The following ERICH2 variants were observed in gnomAD, a reference collection of about 807,000 sequenced individuals.
ERICH2 encodes the protein glutamate-rich protein 2.
In ERICH2, 17 loss-of-function variants were observed where a neutral mutation model predicts 17.4. That is an observed-to-expected ratio of 0.98 (90% CI 0.67 to 1.47). ERICH2 has a LOEUF of 1.47. Among genes scored for constraint, ERICH2 ranks in the 40% most tolerant of loss-of-function variants. The pLI, the probability that ERICH2 is intolerant of heterozygous loss-of-function variation, is 0.00. For synonymous variants in ERICH2, 51 were observed against 61.1 expected, an observed-to-expected ratio of 0.83 and a Z score of 0.77; for missense variants, 186 against 183.2, an observed-to-expected ratio of 1.01 and a Z score of -0.09.
chr2:170,778,800 A>G (rs1700965594), upstream of ERICH2, among the ~76,000 whole-genome samples: 1 of 152,176 alleles, frequency 6.6e-6, no homozygotes, highest in African/African-American at 2.4e-5. Flanking sequence ...ATCATAGATG[A>G]AAAGAAATTA....
At chr2:170,784,938 A>T (rs1575407125) in intron 2 of ERICH2, 105 bp downstream of exon 7, 1 of 949,874 alleles carries the variant, frequency 1.1e-6, no homozygotes, top group Non-Finnish European at 1.4e-6. Flanking sequence ...AGTAGATCTC[A>T]TGGAGGCAGA....
At chr2:170,777,193 T>G in the ERICH2 span, 1 of 163,014 alleles carries the variant, frequency 6.1e-6, no homozygotes, top group African/African-American at 2.4e-5. Context: ...AGTATATAAT[T>G]TTTTTAGGAT....
the ERICH2 span, among the ~76,000 whole-genome samples, chr2:170,775,035 G>T: frequency 6.6e-6 from 1 of 152,158 alleles, no homozygotes; most frequent in Non-Finnish European, 1.5e-5. Context: ...TTTTCACCAG[G>T]TGAAAATGGG....
intron 3 of ERICH2, among the ~76,000 whole-genome samples, chr2:170,793,386 T>C (rs62168446): frequency 0.22 from 34,079 of 151,986 alleles, 4,708 homozygotes; most frequent in South Asian, 0.35. Flanking sequence ...AATAAACAGA[T>C]AGTGTGTCAT....
At position 170,798,737 on chromosome 2, in the gene ERICH2, C is replaced by T. The variant is rs200572014; in HGVS notation, c.347-33C>T. 1,723 of 1,546,998 alleles carry T rather than the reference C, an allele frequency of 1.1e-3. 4 individuals are homozygous for T. Among genetic ancestry groups the T allele is most frequent in the South Asian group, 1.6e-3 (134 of 83,608 alleles). ...TTTTTCAGAGTGAAATATTAAGAAACACCTTAAGCAATCCTCTTCCTTTCT... is the reference window on the plus strand; with the variant it reads ...TTTTTCAGAGTGAAATATTAAGAAATACCTTAAGCAATCCTCTTCCTTTCT... On this transcript the variant is annotated intron_variant, in intron 4 of 4. Transcript: ENST00000409885.
At chr2:170,798,455 A>G (rs567854879) in intron 4 of ERICH2, among the ~76,000 whole-genome samples, 4 of 152,322 alleles carry the variant, frequency 2.6e-5, no homozygotes, top group Non-Finnish European at 4.4e-5. Flanking sequence ...ATTCCTTTCA[A>G]TGGACAATTT....
intron 2 of ERICH2, among the ~76,000 whole-genome samples, chr2:170,790,752 C>T (rs1361414487): frequency 6.7e-6 from 1 of 149,810 alleles, no homozygotes; most frequent in Non-Finnish European, 1.5e-5. Flanking sequence ...TGCAGTGAGC[C>T]GAGATTGCAC....
chr2:170,786,964 G>A (rs1175292926), intron 2 of ERICH2, among the ~76,000 whole-genome samples: 1 of 151,990 alleles, frequency 6.6e-6, no homozygotes, highest in Non-Finnish European at 1.5e-5. Flanking sequence ...TTAATTCTAG[G>A]TCAGTTTCTA....
the ERICH2 span, among the ~76,000 whole-genome samples, chr2:170,775,449 A>G: frequency 6.6e-6 from 1 of 152,170 alleles, no homozygotes; most frequent in South Asian, 2.1e-4. Flanking sequence ...TAATATTATT[A>G]ATAAATATAA....
At chr2:170,776,400 C>CA in the ERICH2 span, among the ~76,000 whole-genome samples, 1 of 152,248 alleles carries the variant, frequency 6.6e-6, no homozygotes, top group Middle Eastern at 3.4e-3. Flanking sequence ...TTTTTTGAGA[C>CA]AGAGTCTCGC....
chr2:170,783,982 A>C, intron 1 of ERICH2: 1 of 1,417,510 alleles, frequency 7.1e-7, no homozygotes, highest in Non-Finnish European at 9.7e-7. Flanking sequence ...CATTAGTTTT[A>C]CCTTTTTTTG....
At chr2:170,795,196 TTGAACTG>T (rs1701387992) in intron 3 of ERICH2, among the ~76,000 whole-genome samples, 1 of 152,152 alleles carries the variant, frequency 6.6e-6, no homozygotes, top group African/African-American at 2.4e-5. Context: ...CAGGCTGGTC[TTGAACTG>T]CTAGGCTCAA....
chr2:170,787,616 C>A (rs1419945418), intron 2 of ERICH2, among the ~76,000 whole-genome samples: 1 of 152,228 alleles, frequency 6.6e-6, no homozygotes, highest in Non-Finnish European at 1.5e-5. Context: ...CAGATCATTA[C>A]CAGCCAAAGA....
At chr2:170,794,014 C>T (rs930950480) in intron 3 of ERICH2, among the ~76,000 whole-genome samples, 13 of 151,662 alleles carry the variant, frequency 8.6e-5, no homozygotes, top group African/African-American at 2.9e-4. Flanking sequence ...CATGATGTCC[C>T]ATGTGTATCT....
At chr2:170,777,614 A>C in the ERICH2 span, 2 of 1,215,080 alleles carry the variant, frequency 1.6e-6, no homozygotes, top group Non-Finnish European at 2.1e-6. Context: ...AGTGTTAATA[A>C]AATACTGAGG....
chr2:170,792,257 T>C (rs951648225), intron 2 of ERICH2, among the ~76,000 whole-genome samples: 2 of 152,198 alleles, frequency 1.3e-5, no homozygotes, highest in Non-Finnish European at 2.9e-5. Flanking sequence ...TGAAAGAATA[T>C]ACATGAAGAT....
chr2:170,784,572 TA>T, intron 1 of ERICH2, 73 bp from the exon 7 acceptor site: 3 of 801,012 alleles, frequency 3.7e-6, no homozygotes, highest in East Asian at 5.7e-5. Flanking sequence ...TAATGAATAG[TA>T]ATAGGATCTG....
chr2:170,779,257 T>A (rs139310335), upstream of ERICH2, among the ~76,000 whole-genome samples: 1 of 152,132 alleles, frequency 6.6e-6, no homozygotes, highest in Admixed American at 6.6e-5. Flanking sequence ...TCCATTCCGC[T>A]CTCCACCCTG....
chr2:170,787,728 A>C (rs886432409), intron 2 of ERICH2, among the ~76,000 whole-genome samples: 3 of 152,172 alleles, frequency 2.0e-5, no homozygotes, highest in African/African-American at 7.2e-5. Context: ...TCTGCAGTCC[A>C]AACTATGTTA....
Sources: allele counts gnomAD v4.1 joint callset (sites outside exome capture counted in the v4.1 genomes callset), GRCh38; gene constraint gnomAD v4.1.1; transcripts MANE v1.5; gene names NCBI Gene and HGNC (gene_info 2026-07-23, HGNC 2026-07-21).